The following KAZN variants were observed in gnomAD, a reference collection of about 807,000 sequenced individuals.
The protein encoded by KAZN is kazrin, periplakin interacting protein.
KAZN carries 40 observed loss-of-function variants against 87.4 expected under a neutral mutation model. The ratio of observed to expected loss-of-function variants is 0.46; its 90% CI spans 0.36 to 0.60. The LOEUF (loss-of-function observed/expected upper bound fraction) is 0.60, where lower values mean the gene tolerates loss of function less well. Among genes scored for constraint, KAZN ranks in the 20% least tolerant of loss-of-function variants. The pLI, the probability that KAZN is intolerant of heterozygous loss-of-function variation, is 0.00. For synonymous variants in KAZN, 466 were observed against 458.3 expected (o/e 1.02, Z -0.22); for missense variants, 898 against 1,073.9 (o/e 0.84, Z 2.29).
intron 2 of KAZN, among the ~76,000 whole-genome samples, chr1:14,580,274 G>A (rs1459671180): frequency 1.3e-5 from 2 of 152,108 alleles, no homozygotes; most frequent in Non-Finnish European, 2.9e-5. Flanking sequence ...TTGGGAGTTC[G>A]AGACCAGCCT....
chr1:14,636,453 G>A (rs1679992197), intron 1 of KAZN, among the ~76,000 whole-genome samples: 1 of 152,156 alleles, frequency 6.6e-6, no homozygotes, highest in African/African-American at 2.4e-5. Flanking sequence ...GGCTCTTTGT[G>A]TTCATCGAGC....
intron 2 of KAZN, among the ~76,000 whole-genome samples, chr1:14,483,666 C>A (rs1323644264): frequency 6.6e-6 from 1 of 152,162 alleles, no homozygotes; most frequent in Admixed American, 6.5e-5. Context: ...AGGTTTACAT[C>A]GGTTTTATAC....
chr1:14,525,238 G>C (rs1671799858), intron 2 of KAZN, among the ~76,000 whole-genome samples: 1 of 152,242 alleles, frequency 6.6e-6, no homozygotes, highest in African/African-American at 2.4e-5. Flanking sequence ...GCTATTCTTA[G>C]CTTGCCAGCC....
intron 2 of KAZN, among the ~76,000 whole-genome samples, chr1:14,231,206 T>C (rs1443636155): frequency 6.6e-6 from 1 of 152,302 alleles, no homozygotes; most frequent in East Asian, 1.9e-4. Context: ...AGGAAATACA[T>C]GGATCAAAGC....
intron 1 of KAZN, among the ~76,000 whole-genome samples, chr1:14,052,517 G>A (rs1642381054): frequency 6.6e-6 from 1 of 150,990 alleles, no homozygotes; most frequent in Non-Finnish European, 1.5e-5. Context: ...TTGATTAAAA[G>A]AAGGACAGGG....
intron 1 of KAZN, among the ~76,000 whole-genome samples, chr1:14,725,070 A>T (rs1357646911): frequency 6.6e-6 from 1 of 152,206 alleles, no homozygotes; most frequent in Non-Finnish European, 1.5e-5. Context: ...CTTGTAATTT[A>T]CCAGAGGAAA....
chr1:14,714,176 G>A (rs754432560), intron 1 of KAZN, among the ~76,000 whole-genome samples: 3 of 152,098 alleles, frequency 2.0e-5, no homozygotes, highest in Non-Finnish European at 4.4e-5. Flanking sequence ...CATCATACTG[G>A]TTCCATTTTG....
chr1:14,369,354 A>G (rs899502118), intron 2 of KAZN, among the ~76,000 whole-genome samples: 1 of 152,190 alleles, frequency 6.6e-6, no homozygotes, highest in African/African-American at 2.4e-5. Flanking sequence ...GCACGACTGT[A>G]TTTACCTTAA....
chr1:14,847,043 G>A (rs181979845), intron 1 of KAZN, among the ~76,000 whole-genome samples: 1 of 152,294 alleles, frequency 6.6e-6, no homozygotes, highest in East Asian at 1.9e-4. Flanking sequence ...TGTAAAGTGG[G>A]TAGTGATTTT....
intron 2 of KAZN, among the ~76,000 whole-genome samples, chr1:14,231,584 C>T (rs1057449178): frequency 2.6e-5 from 4 of 152,198 alleles, no homozygotes; most frequent in African/African-American, 9.6e-5. Context: ...TGGCCTCATA[C>T]AAATCACTGA....
At chr1:14,824,954 G>A (rs979885182) in intron 1 of KAZN, among the ~76,000 whole-genome samples, 5 of 152,250 alleles carry the variant, frequency 3.3e-5, no homozygotes, top group Non-Finnish European at 5.9e-5. Flanking sequence ...ACTGAGGTAG[G>A]TGCTGACCAT....
At chr1:14,416,978 A>G (rs904895799) in intron 2 of KAZN, among the ~76,000 whole-genome samples, 1 of 139,846 alleles carries the variant, frequency 7.2e-6, no homozygotes, top group African/African-American at 2.7e-5. Flanking sequence ...ATATGTATAT[A>G]TGTGTATATA....
chr1:14,267,755 G>A (rs1009648232), intron 2 of KAZN, among the ~76,000 whole-genome samples: 8 of 152,118 alleles, frequency 5.3e-5, no homozygotes, highest in South Asian at 2.1e-4. Context: ...ATCACTTGAT[G>A]TCAGGACTAG....
At chr1:14,594,962 T>C (rs1385166987), upstream of KAZN, among the ~76,000 whole-genome samples, 2 of 152,004 alleles carry the variant, frequency 1.3e-5, no homozygotes, top group Non-Finnish European at 2.9e-5. Flanking sequence ...CTGGCCAAGA[T>C]GGTGAAACCC....
chr1:14,213,193 G>A (rs1361330809), intron 2 of KAZN, among the ~76,000 whole-genome samples: 1 of 152,080 alleles, frequency 6.6e-6, no homozygotes, highest in Non-Finnish European at 1.5e-5. Context: ...TCCAGCACTT[G>A]TATCCTTTTT....
intron 1 of KAZN, among the ~76,000 whole-genome samples, chr1:14,030,674 A>ACACACC (rs2101328294): frequency 1.4e-5 from 2 of 141,380 alleles, no homozygotes; most frequent in South Asian, 4.6e-4. Context: ...ACACACACAC[A>ACACACC]CACCAATCTA....
chr1:14,691,503 T>G (rs1469488474), intron 1 of KAZN, among the ~76,000 whole-genome samples: 1 of 152,236 alleles, frequency 6.6e-6, no homozygotes, highest in Non-Finnish European at 1.5e-5. Context: ...TTGTTTGTTT[T>G]TGAGACAGAG....
At chr1:14,396,504 C>A (rs1662913882) in intron 2 of KAZN, among the ~76,000 whole-genome samples, 2 of 152,180 alleles carry the variant, frequency 1.3e-5, no homozygotes, top group Non-Finnish European at 2.9e-5. Context: ...ATTGGCAATG[C>A]CCACCCGTCA....
rs1650100576 is a variant in KAZN at position 14,856,342 on chromosome 1, C to T, written c.227-104342C>T. On this transcript the variant is annotated intron_variant, in intron 1 of 14. Coordinates refer to ENST00000376030, the MANE Select transcript of KAZN (RefSeq NM_201628.3). This position sits in a 1 kb window ranked among gnomAD's most constrained non-coding sequence, Gnocchi z 5.2. ...TGCCTAAGTGTGAGCTTGAACTGTA[C>T]CAACCCTAGAGGTTTCTTTAAAGAC... Among the ~76,000 whole-genome samples the T allele has an allele frequency of 6.6e-6, 1 of 152,160 alleles. No individual in the cohort carries two copies. The highest frequency in any genetic ancestry group is 2.4e-5 in the African/African-American group (1 of 41,442).
Sources: gnomAD v4.1 joint callset for allele counts (sites outside exome capture counted in the v4.1 genomes callset) on GRCh38, gnomAD v4.1.1 for gene constraint, Gnocchi (gnomAD v3.1) non-coding constraint, MANE v1.5 for transcripts, NCBI Gene and HGNC (gene_info 2026-07-23, HGNC 2026-07-21) for gene names.